CLCN5: variants seen among roughly 807,000 people sequenced by gnomAD.
CLCN5 encodes the protein H(+)/Cl(-) exchange transporter 5.
A neutral mutation model predicts 54.0 loss-of-function variants in CLCN5; 17 were observed. The observed-to-expected ratio is 0.31, with a 90% CI of 0.22 to 0.47. The LOEUF (loss-of-function observed/expected upper bound fraction) is 0.47, where lower values mean the gene tolerates loss of function less well. Among genes scored for constraint, CLCN5 ranks in the 20% least tolerant of loss-of-function variants. CLCN5 has a pLI of 1.00. For synonymous variants in CLCN5, 222 were observed against 233.0 expected (o/e 0.95, Z 0.43); for missense variants, 448 against 646.7 (o/e 0.69, Z 3.33).
intron 3 of CLCN5, among the ~76,000 whole-genome samples, chrX:50,017,261 C>G (rs1165494060): frequency 1.8e-5 from 2 of 111,766 alleles, no homozygotes; most frequent in East Asian, 5.6e-4. Context: ...AACGAGAGTT[C>G]CTGTTACTCC....
intron 3 of CLCN5, among the ~76,000 whole-genome samples, chrX:49,927,764 A>G (rs6608948): frequency 0.015 from 1,638 of 112,581 alleles, 30 homozygotes; most frequent in African/African-American, 0.049. Flanking sequence ...TTAAGTGTCC[A>G]TCACTGGATG....
At chrX:49,950,681 T>G (rs1926997772) in intron 3 of CLCN5, among the ~76,000 whole-genome samples, 1 of 111,659 alleles carries the variant, frequency 9.0e-6, no homozygotes, top group Non-Finnish European at 1.9e-5. Flanking sequence ...GATTACATGT[T>G]AAAATGATAA....
At chrX:50,001,210 G>T (rs782598924) in intron 3 of CLCN5, among the ~76,000 whole-genome samples, 1 of 110,696 alleles carries the variant, frequency 9.0e-6, no homozygotes, top group African/African-American at 3.3e-5. Flanking sequence ...CAGTGACAGT[G>T]CTCCTGCAAT....
intron 7 of CLCN5, among the ~76,000 whole-genome samples, chrX:50,076,596 C>T (rs1217700465): frequency 9.0e-6 from 1 of 111,354 alleles, no homozygotes; most frequent in Non-Finnish European, 1.9e-5. Flanking sequence ...GACCATAGCT[C>T]ACCACTGCAG....
intron 3 of CLCN5, among the ~76,000 whole-genome samples, chrX:49,951,269 A>G (rs369795027): frequency 2.5e-4 from 28 of 112,248 alleles, no homozygotes; most frequent in African/African-American, 8.4e-4. Flanking sequence ...TATATCATGT[A>G]CATGAGACTA....
intron 8 of CLCN5, among the ~76,000 whole-genome samples, chrX:50,081,076 A>T (rs782353055): frequency 2.7e-5 from 3 of 111,780 alleles, no homozygotes; most frequent in Non-Finnish European, 3.8e-5. Context: ...CTTTCCCACA[A>T]TATGATTTAG....
At chrX:50,032,467 C>A (rs182428200) in intron 3 of CLCN5, among the ~76,000 whole-genome samples, 1 of 111,368 alleles carries the variant, frequency 9.0e-6, no homozygotes, top group Non-Finnish European at 1.9e-5. Context: ...TCTCTGATGG[C>A]CGGTGTTGGT....
chrX:50,022,977 T>C (rs868930262), intron 3 of CLCN5, among the ~76,000 whole-genome samples: 1,039 of 82,991 alleles, frequency 0.013, 106 homozygotes, highest in African/African-American at 0.065. Context: ...GAGAGTTCTG[T>C]AGATGTCTAT....
chrX:50,075,713 G>A, intron 6 of CLCN5, 82 bp from the exon 7 acceptor site: 1 of 903,097 alleles, frequency 1.1e-6, no homozygotes, highest in African/African-American at 1.9e-5. Context: ...CATTTTCTCT[G>A]ACAAAGCTTA....
intron 5 of CLCN5, 72 bp from the exon 6 acceptor site, chrX:50,072,417 C>A (rs1602111254): frequency 2.7e-6 from 2 of 735,152 alleles, no homozygotes; most frequent in Non-Finnish European, 4.3e-6. Context: ...CTTTGTATTT[C>A]TTTGTTGAAC....
At chrX:50,034,053 A>G (rs1485573603) in intron 3 of CLCN5, among the ~76,000 whole-genome samples, 1 of 112,439 alleles carries the variant, frequency 8.9e-6, no homozygotes, top group Non-Finnish European at 1.9e-5. Context: ...AGAAAGTGCT[A>G]TGGGTTAAGA....
At chrX:50,022,895 A>C (rs1157496351) in intron 3 of CLCN5, among the ~76,000 whole-genome samples, 1 of 81,423 alleles carries the variant, frequency 1.2e-5, no homozygotes, top group African/African-American at 6.8e-5. Context: ...CTTTACTTCC[A>C]ACTGTGTGGT....
At chrX:49,961,749 A>G (rs1384300473) in intron 3 of CLCN5, among the ~76,000 whole-genome samples, 1 of 111,575 alleles carries the variant, frequency 9.0e-6, no homozygotes, top group Non-Finnish European at 1.9e-5. Flanking sequence ...TATCCCTTCC[A>G]ATATGGTTTT....
chrX:49,928,507 T>C (rs193015343), intron 3 of CLCN5, among the ~76,000 whole-genome samples: 1 of 112,338 alleles, frequency 8.9e-6, no homozygotes, highest in African/African-American at 3.2e-5. Context: ...ATTATTTTCT[T>C]ATAACCTGGG....
chrX:49,953,944 G>A (rs914844696), intron 3 of CLCN5, among the ~76,000 whole-genome samples: 14 of 111,575 alleles, frequency 1.3e-4, no homozygotes, highest in Admixed American at 5.7e-4. Context: ...CTTTAGTTAC[G>A]ACGATGTTGG....
intron 3 of CLCN5, among the ~76,000 whole-genome samples, chrX:49,961,918 G>T (rs1445428788): frequency 8.9e-6 from 1 of 111,922 alleles, no homozygotes; most frequent in African/African-American, 3.2e-5. Flanking sequence ...GATTTTAAGT[G>T]ATTCTCCAGA....
In CLCN5 at chrX:50,092,852, C is replaced by T. The variant is rs1557195015; in HGVS notation, c.*633C>T. Reference sequence around the variant, plus strand: ...ACAATGCTGCTTTGGTTAATCTCTTCTAAATGAATTTAGAGAGATTGACTT... The same window carrying T: ...ACAATGCTGCTTTGGTTAATCTCTTTTAAATGAATTTAGAGAGATTGACTT... On this transcript the variant is annotated 3_prime_UTR_variant, in exon 15 of 15. Transcript: ENST00000376091. 1 of 113,217 alleles carries T rather than the reference C, an allele frequency of 8.8e-6. No homozygotes were observed. The allele number at this position is 113,217 out of a possible 1,213,427, so 9.3% of individuals were successfully genotyped here.
intron 4 of CLCN5, among the ~76,000 whole-genome samples, chrX:50,056,750 C>T (rs1932756081): frequency 8.9e-6 from 1 of 111,950 alleles, no homozygotes; most frequent in Admixed American, 9.5e-5. Flanking sequence ...GGAGCTGTAT[C>T]CACTGGGAGT....
intron 3 of CLCN5, among the ~76,000 whole-genome samples, chrX:49,938,483 C>T (rs1365015653): frequency 6.3e-5 from 7 of 111,289 alleles, no homozygotes; most frequent in African/African-American, 1.6e-4. Flanking sequence ...GAAATAATGC[C>T]GCATATCTAC....
Sources: gnomAD v4.1 joint callset for allele counts (sites outside exome capture counted in the v4.1 genomes callset) on GRCh38, gnomAD v4.1.1 for gene constraint, MANE v1.5 for transcripts, NCBI Gene and HGNC (gene_info 2026-07-23, HGNC 2026-07-21) for gene names.